The following SLC16A2 variants were observed in gnomAD, a reference collection of about 807,000 sequenced individuals.
SLC16A2 encodes the protein monocarboxylate transporter 8.
Under a neutral mutation model 27.2 loss-of-function variants are expected in SLC16A2, and 3 were observed. The ratio of observed to expected loss-of-function variants is 0.11; its 90% CI spans 0.05 to 0.28. The LOEUF (loss-of-function observed/expected upper bound fraction) is 0.28. Among genes scored for constraint, SLC16A2 ranks in the 10% least tolerant of loss-of-function variants. The pLI, the probability that SLC16A2 is intolerant of heterozygous loss-of-function variation, is 1.00. For synonymous variants in SLC16A2, 202 were observed against 187.8 expected (o/e 1.08, Z -0.62); for missense variants, 295 against 458.5 (o/e 0.64, Z 3.26).
intron 1 of SLC16A2, among the ~76,000 whole-genome samples, chrX:74,501,555 C>A (rs1437304198): frequency 9.0e-6 from 1 of 111,442 alleles, no homozygotes; most frequent in Non-Finnish European, 1.9e-5. Context: ...GAGCATGGAA[C>A]AAGGACCCAG....
chrX:74,509,394 A>T (rs1055656207), intron 1 of SLC16A2, among the ~76,000 whole-genome samples: 4 of 111,997 alleles, frequency 3.6e-5, no homozygotes, highest in African/African-American at 6.5e-5. Flanking sequence ...GAGTTTTTTT[A>T]AAATTTTGAA....
chrX:74,452,212 C>T (rs1289721212), intron 1 of SLC16A2, among the ~76,000 whole-genome samples: 1 of 112,220 alleles, frequency 8.9e-6, no homozygotes, highest in Non-Finnish European at 1.9e-5. Context: ...TGGAGCATTA[C>T]CACCACACTC....
At chrX:74,459,455 A>G (rs761749694) in intron 1 of SLC16A2, among the ~76,000 whole-genome samples, 1 of 106,014 alleles carries the variant, frequency 9.4e-6, no homozygotes, top group Non-Finnish European at 1.9e-5. Context: ...TTGGAAGACA[A>G]AACACTCACT....
At chrX:74,425,763 TAA>T (rs1368215252) in intron 1 of SLC16A2, among the ~76,000 whole-genome samples, 2 of 111,893 alleles carry the variant, frequency 1.8e-5, no homozygotes, top group East Asian at 5.6e-4. Flanking sequence ...GCTCTATGCT[TAA>T]GTCTTTTTAA....
At chrX:74,469,258 T>C (rs1370860895) in intron 1 of SLC16A2, among the ~76,000 whole-genome samples, 1 of 112,162 alleles carries the variant, frequency 8.9e-6, no homozygotes, top group Non-Finnish European at 1.9e-5. Flanking sequence ...ATGTCTTAGC[T>C]ATTGCATATA....
At chrX:74,493,546 C>T (rs1329670776) in intron 1 of SLC16A2, among the ~76,000 whole-genome samples, 1 of 112,251 alleles carries the variant, frequency 8.9e-6, no homozygotes, top group Admixed American at 9.4e-5. Flanking sequence ...GAACACACTT[C>T]TCCACCACCT....
intron 1 of SLC16A2, among the ~76,000 whole-genome samples, chrX:74,476,452 A>G (rs923214831): frequency 9.0e-6 from 1 of 111,624 alleles, no homozygotes; most frequent in Non-Finnish European, 1.9e-5. Context: ...CTCTTTTCCT[A>G]ACTGAATACC....
intron 1 of SLC16A2, among the ~76,000 whole-genome samples, chrX:74,468,758 C>G: frequency 8.9e-6 from 1 of 111,871 alleles, no homozygotes; most frequent in Non-Finnish European, 1.9e-5. Context: ...AGCATACAAT[C>G]TTATAATGAT....
In SLC16A2 at chrX:74,421,706, G is replaced by T; in HGVS notation, c.69G>T (p.Gln23His). Residue 23 changes from glutamine (Q) to histidine (H), a missense_variant, in exon 1 of 6, where the codon CAG becomes CAT. This residue lies in a region of SLC16A2 where 92 missense variants were observed against 85.1 expected (regional missense o/e 1.08). Coordinates refer to ENST00000587091, the MANE Select transcript of SLC16A2 (RefSeq NM_006517.5). The stretch of plus-strand genomic sequence containing the variant: ...GGCAGGAGGCAGACCAGGAACAGCA[G>T]GAGCCGGTGGGTAGCCCAGAGCCGG... The part of the protein sequence containing the change: ...GPWQEADQEQ[Q>H]EPVGSPEPES... 1 of 1,185,569 alleles carries T rather than the reference G, an allele frequency of 8.4e-7. No individual in the cohort carries two copies. Among genetic ancestry groups the T allele is most frequent in the Non-Finnish European group, 1.1e-6 (1 of 884,540 alleles).
chrX:74,434,494 G>A (rs1336885285), intron 1 of SLC16A2, among the ~76,000 whole-genome samples: 1 of 111,105 alleles, frequency 9.0e-6, no homozygotes, highest in Admixed American at 9.6e-5. Flanking sequence ...TGGAGGGGCA[G>A]GAGGAGAGGA....
At chrX:74,436,224 C>T (rs1928630600) in intron 1 of SLC16A2, among the ~76,000 whole-genome samples, 2 of 110,997 alleles carry the variant, frequency 1.8e-5, no homozygotes, top group African/African-American at 6.6e-5. Context: ...TGTGCGCATG[C>T]GTGCAAGTGA....
Position 74,427,244 on chromosome X carries a change from C to T in SLC16A2, c.430+5177C>T, listed in dbSNP as rs757696630. On this transcript the variant is annotated intron_variant, in intron 1 of 5. Transcript: ENST00000587091. ...TGTTACTTCCAGCTAGCAGAGGAAACGGATTCCTAAATGAGGTTCCCTTCA... is the reference window on the plus strand; with the variant it reads ...TGTTACTTCCAGCTAGCAGAGGAAATGGATTCCTAAATGAGGTTCCCTTCA... 1.6e-4 allele frequency among the ~76,000 whole-genome samples: 18 copies of T among 112,068 alleles called. 1 individual carries two copies. Among genetic ancestry groups the T allele is most frequent in the Admixed American group, 1.3e-3 (14 of 10,538 alleles).
At chrX:74,492,304 C>T (rs1929843688) in intron 1 of SLC16A2, among the ~76,000 whole-genome samples, 2 of 111,086 alleles carry the variant, frequency 1.8e-5, no homozygotes, top group Admixed American at 1.9e-4. Context: ...CTCAGGGAGG[C>T]TGACTTGGGT....
chrX:74,478,963 T>G (rs1184777129), intron 1 of SLC16A2, among the ~76,000 whole-genome samples: 2 of 111,089 alleles, frequency 1.8e-5, no homozygotes, highest in African/African-American at 6.6e-5. Flanking sequence ...TTATGTGTCT[T>G]GGAGTTGCTC....
rs1357169342 is a variant in SLC16A2, at chrX:74,491,621, A to G, written c.431-29369A>G. Among the ~76,000 whole-genome samples the G allele has an allele frequency of 2.7e-5, 3 of 112,174 alleles. No individual in the cohort carries two copies. The East Asian group carries it at 8.4e-4, about 31-fold the overall frequency. ...GAAACAGTCTCTCAGATTAAGTTCT[A>G]AAAGAGCCCTGGCTGAGGAGGAAGT... On this transcript the variant is annotated intron_variant, in intron 1 of 5. Coordinates refer to ENST00000587091, the MANE Select transcript of SLC16A2 (RefSeq NM_006517.5).
chrX:74,426,872 C>T (rs755098487), intron 1 of SLC16A2, among the ~76,000 whole-genome samples: 8 of 112,287 alleles, frequency 7.1e-5, no homozygotes, highest in South Asian at 3.7e-4. Flanking sequence ...CATTTCCCCA[C>T]GTCATTTGTA....
At position 74,421,991 on chromosome X, in the gene SLC16A2, T is replaced by C. The variant is rs1485714848; in HGVS notation, c.354T>C (p.His118=). ...GCAACGGCTCCATCTTCGGCATCCA[T>C]AACTCTGTCGGGATCCTCTACTCCA... ...TWCNGSIFGI[H]NSVGILYSML... Residue 118 remains histidine (H), a synonymous_variant, in exon 1 of 6, where the codon CAT becomes CAC. Transcript: ENST00000587091. 1.7e-6 allele frequency: 2 copies of C among 1,209,713 alleles called. No homozygotes were observed. Among genetic ancestry groups the C allele is most frequent in the African/African-American group, 1.7e-5 (1 of 57,425 alleles).
chrX:74,484,376 G>T (rs1444989069), intron 1 of SLC16A2, among the ~76,000 whole-genome samples: 13 of 112,256 alleles, frequency 1.2e-4, no homozygotes, highest in Admixed American at 2.8e-4. Context: ...GTTGACAATT[G>T]GTTGAGTTTG....
chrX:74,473,502 CA>C, intron 1 of SLC16A2: 1 of 585,382 alleles, frequency 1.7e-6, no homozygotes, highest in Non-Finnish European at 2.9e-6. Context: ...GTTACAAAGG[CA>C]AAATCCCTTT....
Sources: gnomAD v4.1 joint callset for allele counts (sites outside exome capture counted in the v4.1 genomes callset) on GRCh38, gnomAD v4.1.1 for gene constraint, gnomAD v4.1.1 regional missense constraint, MANE v1.5 for transcripts, NCBI Gene and HGNC (gene_info 2026-07-23, HGNC 2026-07-21) for gene names.